FGD6: variants seen among roughly 807,000 people sequenced by gnomAD.
FGD6 encodes FYVE, RhoGEF and PH domain-containing protein 6.
FGD6 carries 90 observed loss-of-function variants against 149.4 expected under a neutral mutation model. That is an observed-to-expected ratio of 0.60 (90% confidence interval 0.51 to 0.72). The LOEUF (loss-of-function observed/expected upper bound fraction) is 0.72, where lower values mean the gene tolerates loss of function less well. FGD6 is among the 30% of genes least tolerant of loss of function. The pLI is 0.00. For missense variants in FGD6, 1,437 were observed against 1,684.8 expected, an observed-to-expected ratio of 0.85 and a Z score of 2.57; for synonymous variants, 527 against 584.0, an observed-to-expected ratio of 0.90 and a Z score of 1.41.
chr12:95,168,309 G>T (rs553824847), intron 3 of FGD6, among the ~76,000 whole-genome samples: 4 of 152,218 alleles, frequency 2.6e-5, no homozygotes, highest in African/African-American at 7.2e-5. Flanking sequence ...ATATTTATTG[G>T]TAAGATTACA....
At chr12:95,154,279 G>A (rs558632145) in intron 3 of FGD6, among the ~76,000 whole-genome samples, 1 of 151,894 alleles carries the variant, frequency 6.6e-6, no homozygotes, top group African/African-American at 2.4e-5. Flanking sequence ...TTTTATTATG[G>A]ACTACTTTGT....
chr12:95,088,395 A>T (rs910722178), intron 18 of FGD6, among the ~76,000 whole-genome samples: 2 of 152,212 alleles, frequency 1.3e-5, no homozygotes, highest in South Asian at 4.1e-4. Flanking sequence ...TTAAAAAAAA[A>T]TAATCCAACT....
chr12:95,126,222 A>G (rs1218704592), intron 8 of FGD6: 3 of 1,221,554 alleles, frequency 2.5e-6, no homozygotes, highest in Non-Finnish European at 2.4e-6. Context: ...AGCTGCTGCT[A>G]AATTTCCAGC....
At position 95,210,812 on chromosome 12, in the gene FGD6, T is replaced by C. The variant is rs762937526; in HGVS notation, c.472A>G (p.Lys158Glu). ...DETLTIKTRS[K>E]CDLYGEKAKN... ...GCTTTTTCACCATACAAATCACATTTACTCCTAGTTTTTATAGTCAAAGTC... is the reference window on the plus strand; with the variant it reads ...GCTTTTTCACCATACAAATCACATTCACTCCTAGTTTTTATAGTCAAAGTC... The change falls in exon 2 of 21, where the codon AAA (lysine) becomes GAA (glutamate). Residue 158 changes from lysine (K) to glutamate (E), a missense_variant. Lys to Glu is a moderately conservative substitution (Grantham distance 56). Coordinates refer to ENST00000343958, the MANE Select transcript of FGD6 (RefSeq NM_018351.4). The C allele has an allele frequency of 6.2e-7, 1 of 1,613,666 alleles. No individual in the cohort carries two copies. The highest frequency in any genetic ancestry group is 2.2e-5 in the East Asian group (1 of 44,886).
chr12:95,141,110 C>T (rs933090865), intron 6 of FGD6, among the ~76,000 whole-genome samples: 2 of 152,108 alleles, frequency 1.3e-5, no homozygotes, highest in Admixed American at 6.5e-5. Flanking sequence ...ATAATCCCAG[C>T]TACTCGGGAG....
intron 1 of FGD6, among the ~76,000 whole-genome samples, chr12:95,213,590 T>C (rs1374999475): frequency 2.0e-5 from 3 of 152,220 alleles, no homozygotes; most frequent in Non-Finnish European, 1.5e-5. Context: ...AATTAATCTT[T>C]TACTTTCCGT....
chr12:95,209,608 T>G lies in FGD6; in HGVS notation c.1676A>C (p.Lys559Thr). The G allele has an allele frequency of 6.2e-7, 1 of 1,613,982 alleles. No homozygotes were observed. ...CCACACTGGCTTTTCTGAAGCCCGTTTAGGCATATCAAAGGAGGATGACAC... is the reference window on the plus strand; with the variant it reads ...CCACACTGGCTTTTCTGAAGCCCGTGTAGGCATATCAAAGGAGGATGACAC... ...RGVSSSFDMP[K>T]RASEKPVWKL... Residue 559 changes from lysine (K) to threonine (T), a missense_variant, in exon 2 of 21, where the codon AAA becomes ACA. Transcript: ENST00000343958.
chr12:95,093,850 CA>C (rs72490017), intron 15 of FGD6, among the ~76,000 whole-genome samples: 172 of 123,104 alleles, frequency 1.4e-3, no homozygotes, highest in Admixed American at 1.2e-3. Flanking sequence ...TCCATCTCAA[CA>C]AAAAAAAAAA....
chr12:95,190,263 G>C (rs558644604), intron 2 of FGD6, among the ~76,000 whole-genome samples: 1 of 152,168 alleles, frequency 6.6e-6, no homozygotes, highest in Non-Finnish European at 1.5e-5. Flanking sequence ...TCCGCCTCCA[G>C]GGTTCAAGTG....
At chr12:95,084,471 A>C in intron 20 of FGD6, 27 bp downstream of exon 20, 11 of 1,494,660 alleles carry the variant, frequency 7.4e-6, no homozygotes, top group Non-Finnish European at 9.8e-6. Flanking sequence ...CTCATGAATA[A>C]AAGAAAAATA....
At chr12:95,186,228 CTTTTTTTTTTTTTTTTTTTTTTT>C (rs1174763781) in intron 2 of FGD6, among the ~76,000 whole-genome samples, 1 of 38,938 alleles carries the variant, frequency 2.6e-5, no homozygotes, top group Non-Finnish European at 4.9e-5. Context: ...TATTCTTCTT[CTTTTTTTTTTTTTTTTTTTTTTT>C]TTTTTTTTTT....
At chr12:95,138,891 G>C (rs1476613657) in intron 6 of FGD6, among the ~76,000 whole-genome samples, 2 of 152,136 alleles carry the variant, frequency 1.3e-5, no homozygotes, top group Admixed American at 1.3e-4. Flanking sequence ...TAGTTTTCTT[G>C]TCTATTTATC....
intron 16 of FGD6, 84 bp downstream of exon 16, chr12:95,092,613 GTT>G: frequency 7.4e-7 from 1 of 1,355,900 alleles, no homozygotes; most frequent in Non-Finnish European, 1.0e-6. Flanking sequence ...AACTATAATG[GTT>G]TATGAGGGGA....
chr12:95,132,262 C>T (rs746798623), intron 8 of FGD6, among the ~76,000 whole-genome samples: 16 of 152,044 alleles, frequency 1.1e-4, no homozygotes, highest in Non-Finnish European at 1.0e-4. Flanking sequence ...GCAATCCTCC[C>T]GGCTCAGCCT....
intron 2 of FGD6, among the ~76,000 whole-genome samples, chr12:95,206,964 C>T (rs1023120874): frequency 1.5e-4 from 22 of 150,130 alleles, no homozygotes; most frequent in African/African-American, 5.1e-4. Flanking sequence ...ACTTGCTCGA[C>T]AATTTTATTT....
chr12:95,166,423 T>C (rs984272118), intron 3 of FGD6, among the ~76,000 whole-genome samples: 2 of 152,282 alleles, frequency 1.3e-5, no homozygotes, highest in African/African-American at 4.8e-5. Flanking sequence ...AAGCATACAA[T>C]TCAGGCCAGG....
intron 2 of FGD6, among the ~76,000 whole-genome samples, chr12:95,188,597 T>C (rs928726311): frequency 6.6e-6 from 1 of 152,148 alleles, no homozygotes; most frequent in Non-Finnish European, 1.5e-5. Context: ...CCCAAAACCT[T>C]ATCTCTCCAG....
chr12:95,109,991 TTC>T (rs972209466), intron 9 of FGD6, among the ~76,000 whole-genome samples: 2 of 89,030 alleles, frequency 2.2e-5, no homozygotes, highest in Admixed American at 1.2e-4. Flanking sequence ...GGCTTCTGTA[TTC>T]TTTTTTTTTT....
intron 8 of FGD6, chr12:95,116,948 G>T (rs758119999): frequency 6.6e-6 from 3 of 455,484 alleles, no homozygotes; most frequent in South Asian, 4.7e-5. Flanking sequence ...GGGAGGAACA[G>T]GAAACCAGTA....
Sources: gnomAD v4.1 joint callset for allele counts (sites outside exome capture counted in the v4.1 genomes callset) on GRCh38, gnomAD v4.1.1 for gene constraint, MANE v1.5 for transcripts, NCBI Gene and HGNC (gene_info 2026-07-23, HGNC 2026-07-21) for gene names.